Variants in JSRP1 observed in about 807,000 individuals in gnomAD.
JSRP1 encodes junctional sarcoplasmic reticulum protein 1.
Under a neutral mutation model 21.4 loss-of-function variants are expected in JSRP1, and 29 were observed. The ratio of observed to expected loss-of-function variants is 1.36; its 90% CI spans 1.01 to 1.85. JSRP1 has a LOEUF of 1.85. JSRP1 is among the 40% of genes most tolerant of loss of function. JSRP1 has a pLI of 0.00. For synonymous variants in JSRP1, 221 were observed against 206.1 expected (o/e 1.07, Z -0.62); for missense variants, 531 against 461.5 (o/e 1.15, Z -1.38).
At position 2,254,676 on chromosome 19, in the gene JSRP1, C is replaced by T. The variant is rs553233884; in HGVS notation, c.110-194G>A. On this transcript the variant is annotated intron_variant, in intron 2 of 6. Transcript: ENST00000300961. Reference sequence around the variant, plus strand: ...CTGAGGTGGGAGGATCACCTGAGCCCAGGAGTTTGAGACCAGCCTGGGCAA... The same window carrying T: ...CTGAGGTGGGAGGATCACCTGAGCCTAGGAGTTTGAGACCAGCCTGGGCAA... Among the ~76,000 whole-genome samples, 3 of 149,738 alleles carry T rather than the reference C, an allele frequency of 2.0e-5. No individual in the cohort carries two copies. The South Asian group carries it at 6.4e-4, about 32-fold the overall frequency.
In JSRP1 at chr19:2,254,269, G is replaced by A; in HGVS notation, c.180C>T (p.Asp60=). The A allele has an allele frequency of 2.5e-6, 4 of 1,605,034 alleles. No homozygotes were observed. Among genetic ancestry groups the A allele is most frequent in the Non-Finnish European group, 3.4e-6 (4 of 1,175,260 alleles). ...CTTTTTCCATCTTCTTGGGCCTGGT[G>A]TCCACACTGGGGCCTTCAGCCACCT... ...DSQVAEGPSV[D]TRPKKMEKEP... Residue 60 remains aspartate, a synonymous_variant, in exon 4 of 7, where the codon GAC becomes GAT. Transcript: ENST00000300961.
intron 1 of JSRP1, among the ~76,000 whole-genome samples, chr19:2,256,085 C>T (rs1599144441): frequency 6.6e-6 from 1 of 152,230 alleles, no homozygotes; most frequent in African/African-American, 2.4e-5. Flanking sequence ...AGACCCAAAG[C>T]TGTACTCTTC....
chr19:2,252,847 C>T (rs750100168), intron 6 of JSRP1, 51 bp from the exon 7 acceptor site: 5 of 1,595,250 alleles, frequency 3.1e-6, no homozygotes, highest in Non-Finnish European at 4.3e-6. Context: ...CCCCCCGGCC[C>T]GGGCTCCTTC....
chr19:2,253,501 A>T, intron 5 of JSRP1, 119 bp downstream of exon 5: 1 of 1,031,730 alleles, frequency 9.7e-7, no homozygotes, highest in Non-Finnish European at 1.3e-6. Context: ...GGCGTGCAAG[A>T]CCCAGCCCTG....
chr19:2,255,761 G>A (rs1344382697), intron 1 of JSRP1, among the ~76,000 whole-genome samples: 2 of 152,178 alleles, frequency 1.3e-5, no homozygotes, highest in Non-Finnish European at 2.9e-5. Context: ...AGGCTAACAG[G>A]TGCCCCAGCC....
Position 2,253,014 on chromosome 19 carries a change from A to G in JSRP1, c.437-11T>C. 1 of 1,587,960 alleles carries G rather than the reference A, an allele frequency of 6.3e-7. No homozygotes were observed. The highest frequency in any genetic ancestry group is 1.1e-5 in the South Asian group (1 of 87,908). On this transcript the variant is annotated splice_polypyrimidine_tract_variant and intron_variant, in intron 5 of 6. Coordinates refer to ENST00000300961, the MANE Select transcript of JSRP1 (RefSeq NM_144616.4). ...CCCCAGGGACGGCGTCTGCAGCGAC[A>G]GGGTCGGGACCCGAGTCAGCTGGGC...
At position 2,254,453 on chromosome 19, in the gene JSRP1, C is replaced by T. The variant is rs566252055; in HGVS notation, c.139G>A (p.Val47Met). The T allele has an allele frequency of 2.1e-5, 34 of 1,612,848 alleles. No individual in the cohort carries two copies. The highest frequency in any genetic ancestry group is 9.3e-5 in the African/African-American group (7 of 75,050). Residue 47 changes from valine (V) to methionine (M), a missense_variant, in exon 3 of 7, where the codon GTG (valine) becomes ATG (methionine). By Grantham distance (21) the Val-to-Met change is conservative. Coordinates refer to ENST00000300961, the MANE Select transcript of JSRP1 (RefSeq NM_144616.4). ...GGGTCCCAGCTACTCACGTGGGGCA[C>T]GCTGCCGGAGTCGGCCAGCCTGGGT... ...ATPRLADSGSVPHDSQVAEGP... is the reference protein window; with the variant it reads ...ATPRLADSGSMPHDSQVAEGP...
intron 5 of JSRP1, 30 bp downstream of exon 5, chr19:2,253,590 T>C: frequency 1.4e-6 from 2 of 1,420,798 alleles, no homozygotes; most frequent in South Asian, 1.5e-5. Flanking sequence ...GACCCCAGCC[T>C]CGCCCCACCT....
rs752228662 is a variant in JSRP1, at chr19:2,252,648, T to A, written c.677A>T (p.Asp226Val). The A allele has an allele frequency of 2.5e-6, 4 of 1,612,080 alleles. No homozygotes were observed. Among genetic ancestry groups the A allele is most frequent in the Non-Finnish European group, 2.5e-6 (3 of 1,179,916 alleles). ...TCCCCGGTCTGCGAGGGTCACACGG[T>A]CCTCCCGGACGGCCTCTCCGGTGGC... ...GEATGEAVRE[D>V]RVTLADRGPK... Residue 226 changes from aspartate to valine, a missense_variant, in exon 7 of 7, where the codon GAC becomes GTC. Transcript: ENST00000300961.
Position 2,254,489 on chromosome 19 carries a change from G to T in JSRP1, c.110-7C>A. Reference sequence around the variant, plus strand: ...TCGGCCAGCCTGGGTGTCGCTGTGGGAACACAGGCAGAGTCAAGGTTGTGG... The same window carrying T: ...TCGGCCAGCCTGGGTGTCGCTGTGGTAACACAGGCAGAGTCAAGGTTGTGG... On this transcript the variant is annotated splice_polypyrimidine_tract_variant and splice_region_variant and intron_variant, in intron 2 of 6. Coordinates refer to ENST00000300961, the MANE Select transcript of JSRP1 (RefSeq NM_144616.4). 1 of 1,612,710 alleles carries T rather than the reference G, an allele frequency of 6.2e-7. No homozygotes were observed. Among genetic ancestry groups the T allele is most frequent in the Non-Finnish European group, 8.5e-7 (1 of 1,179,948 alleles).
Position 2,254,252 on chromosome 19 carries a change from A to G in JSRP1, c.197T>C (p.Met66Thr), listed in dbSNP as rs751877413. The change falls in exon 4 of 7, where the codon ATG becomes ACG. Residue 66 changes from methionine to threonine, a missense_variant. By Grantham distance (81) the Met-to-Thr change is moderately conservative. Transcript: ENST00000300961. ...CCCCCTGGCGGCAGGCTCTTTTTCC[A>G]TCTTCTTGGGCCTGGTGTCCACACT... ...GPSVDTRPKK[M>T]EKEPAARGTP... 6.2e-6 allele frequency: 10 copies of G among 1,604,164 alleles called. No individual in the cohort carries two copies. The highest frequency in any genetic ancestry group is 8.5e-6 in the Non-Finnish European group (10 of 1,175,906).
In JSRP1 at chr19:2,253,004, C is replaced by T. The variant is rs779930101; in HGVS notation, c.437-1G>A. 1.3e-6 allele frequency: 2 copies of T among 1,597,288 alleles called. No homozygotes were observed. The highest frequency in any genetic ancestry group is 1.7e-6 in the Non-Finnish European group (2 of 1,172,070). ...AGTGCTGCCTCCCCAGGGACGGCGTCTGCAGCGACAGGGTCGGGACCCGAG... is the reference window on the plus strand; with the variant it reads ...AGTGCTGCCTCCCCAGGGACGGCGTTTGCAGCGACAGGGTCGGGACCCGAG... On this transcript the variant is annotated splice_acceptor_variant, in intron 5 of 6. Transcript: ENST00000300961. LOFTEE classifies it high-confidence loss of function.
Position 2,255,236 on chromosome 19 carries a change from G to C in JSRP1, c.79C>G (p.Leu27Val). Reference sequence around the variant, plus strand: ...GCCCTGTCCTCCTGGGTCTCGGCCAGCGCAGAGTGGTCCTCCAGGGCCTGG... The same window carrying C: ...GCCCTGTCCTCCTGGGTCTCGGCCACCGCAGAGTGGTCCTCCAGGGCCTGG... ...SCQALEDHSA[L>V]AETQEDRASA... Residue 27 changes from leucine to valine, a missense_variant, in exon 2 of 7, where the codon CTG (leucine) becomes GTG (valine). By Grantham distance (32) the Leu-to-Val change is conservative (BLOSUM62 1). Coordinates refer to ENST00000300961, the MANE Select transcript of JSRP1 (RefSeq NM_144616.4). 1 of 1,611,292 alleles carries C rather than the reference G, an allele frequency of 6.2e-7. No homozygotes were observed. Among genetic ancestry groups the C allele is most frequent in the Non-Finnish European group, 8.5e-7 (1 of 1,178,790 alleles).
At position 2,254,208 on chromosome 19, in the gene JSRP1, C is replaced by T. The variant is rs368763412; in HGVS notation, c.241G>A (p.Glu81Lys). Residue 81 changes from glutamate (E) to lysine (K), a missense_variant, in exon 4 of 7, where the codon GAG becomes AAG. By Grantham distance (56) the Glu-to-Lys change is moderately conservative. Coordinates refer to ENST00000300961, the MANE Select transcript of JSRP1 (RefSeq NM_144616.4). ...AARGTPGTGK[E>K]RLKAGASPRS... ...CCACTCGCTCCGGCTTTCAGCCTCT[C>T]CTTCCCCGTTCCTGGGGTCCCCCTG... is the stretch of plus-strand genomic sequence containing the variant. 2.1e-5 allele frequency: 33 copies of T among 1,605,892 alleles called. No homozygotes were observed. Among genetic ancestry groups the T allele is most frequent in the African/African-American group, 2.7e-5 (2 of 74,650 alleles).
chr19:2,252,498 G>T lies in JSRP1; in HGVS notation c.827C>A (p.Ala276Asp). 1.2e-6 allele frequency: 2 copies of T among 1,612,458 alleles called. No homozygotes were observed. The highest frequency in any genetic ancestry group is 2.7e-5 in the African/African-American group (2 of 75,022). Residue 276 changes from alanine to aspartate, a missense_variant, in exon 7 of 7, where the codon GCC becomes GAC. Coordinates refer to ENST00000300961, the MANE Select transcript of JSRP1 (RefSeq NM_144616.4). ...RPRAAREPREALPQRWESREG... is the reference protein window; with the variant it reads ...RPRAAREPREDLPQRWESREG... ...GCGTGACTCCCAGCGCTGGGGTAGG[G>T]CTTCCCGGGGCTCCCTGGCGGCCCG...
At chr19:2,254,747 C>T (rs964648654) in intron 2 of JSRP1, among the ~76,000 whole-genome samples, 8 of 147,528 alleles carry the variant, frequency 5.4e-5, no homozygotes, top group African/African-American at 2.0e-4. Flanking sequence ...AAAAAATTAG[C>T]GAGGCATGGT....
rs2025099884 is a variant in JSRP1, at chr19:2,253,646, A to G, written c.410T>C (p.Leu137Pro). 6.0e-6 allele frequency: 9 copies of G among 1,505,530 alleles called. No homozygotes were observed. The highest frequency in any genetic ancestry group is 7.1e-6 in the Non-Finnish European group (8 of 1,134,044). 93.3% of individuals were successfully genotyped at this position (1,505,530 alleles called of 1,614,324 possible). A position where few individuals can be genotyped will look rare whatever the true frequency, so the allele number is the denominator to read the frequency against. ...GCGGCACAGCTGGAAAGCCGAGCCC[A>G]GCAGCGCCACCAGCGAGGCGAGCAC... ...CLVLASLVAL[L>P]GSAFQLCRDA... Residue 137 changes from leucine to proline, a missense_variant, in exon 5 of 7, where the codon CTG becomes CCG. Leu to Pro is a moderately conservative substitution (Grantham distance 98). Coordinates refer to ENST00000300961, the MANE Select transcript of JSRP1 (RefSeq NM_144616.4).
rs199570386 is a variant in JSRP1 at position 2,254,487 on chromosome 19, G to T, written c.110-5C>A. On this transcript the variant is annotated splice_polypyrimidine_tract_variant and splice_region_variant and intron_variant, in intron 2 of 6. Coordinates refer to ENST00000300961, the MANE Select transcript of JSRP1 (RefSeq NM_144616.4). ...AGTCGGCCAGCCTGGGTGTCGCTGT[G>T]GGAACACAGGCAGAGTCAAGGTTGT... The T allele has an allele frequency of 5.5e-4, 891 of 1,612,560 alleles. No individual in the cohort carries two copies. Among genetic ancestry groups the T allele is most frequent in the Non-Finnish European group, 7.2e-4 (855 of 1,179,954 alleles).
Position 2,252,943 on chromosome 19 carries a change from C to T in JSRP1, c.497G>A (p.Ser166Asn), listed in dbSNP as rs1469401328. The change falls in exon 6 of 7, where the codon AGC (serine) becomes AAC (asparagine). Residue 166 changes from serine (S) to asparagine (N), a missense_variant. Coordinates refer to ENST00000300961, the MANE Select transcript of JSRP1 (RefSeq NM_144616.4). ...ARVPEPWVPP[S>N]SAPREPSSPL... ...CGACGATGGCTCCCTCGGGGCTGAG[C>T]TTGGCGGGACCCAGGGCTCGGGCAC... is the stretch of plus-strand genomic sequence containing the variant. 1 of 1,610,356 alleles carries T rather than the reference C, an allele frequency of 6.2e-7. No homozygotes were observed.
Sources: allele counts gnomAD v4.1 joint callset (sites outside exome capture counted in the v4.1 genomes callset), GRCh38; gene constraint gnomAD v4.1.1; transcripts MANE v1.5; gene names NCBI Gene and HGNC (gene_info 2026-07-23, HGNC 2026-07-21).